Variants in RALYL observed in about 807,000 individuals in gnomAD.
RALYL encodes the protein RALY RNA binding protein like.
A neutral mutation model predicts 35.1 loss-of-function variants in RALYL; 29 were observed. The observed-to-expected ratio is 0.83, with a 90% CI of 0.61 to 1.13. The LOEUF is 1.13. Ranked by LOEUF, RALYL falls within the 50% of genes most tolerant of loss-of-function variation. The probability of loss-of-function intolerance (pLI) is 0.00; values close to 1 mark genes in which losing one functional copy is unlikely to be tolerated. For synonymous variants in RALYL, 120 were observed against 127.6 expected (o/e 0.94, Z 0.40); for missense variants, 359 against 360.4 (o/e 1.00, Z 0.03).
intron 1 of RALYL, among the ~76,000 whole-genome samples, chr8:84,461,834 C>G (rs1692594590): frequency 6.6e-6 from 1 of 151,580 alleles, no homozygotes; most frequent in Non-Finnish European, 1.5e-5. Flanking sequence ...CCTCATTTCT[C>G]CCCCTATCAT....
chr8:84,224,661 C>CTTT (rs11406770), intron 1 of RALYL, among the ~76,000 whole-genome samples: 2,650 of 147,236 alleles, frequency 0.018, 82 homozygotes, highest in African/African-American at 0.062. Context: ...TTCATTATTA[C>CTTT]TTTTTTTTTT....
At chr8:84,425,736 A>G (rs1192969258) in intron 1 of RALYL, among the ~76,000 whole-genome samples, 2 of 151,970 alleles carry the variant, frequency 1.3e-5, no homozygotes, top group East Asian at 1.9e-4. Context: ...TCAATCCAAC[A>G]ATAGCATGCA....
At chr8:84,284,588 G>T (rs1391607034) in intron 1 of RALYL, among the ~76,000 whole-genome samples, 1 of 152,108 alleles carries the variant, frequency 6.6e-6, no homozygotes, top group Non-Finnish European at 1.5e-5. Context: ...TCATAACAGG[G>T]TTGTTCAAGG....
intron 4 of RALYL, 90 bp from the exon 5 acceptor site, chr8:84,849,890 A>G (rs1835468608): frequency 1.5e-6 from 1 of 686,972 alleles, no homozygotes; most frequent in Non-Finnish European, 2.4e-6. Context: ...TTTTAAAAGT[A>G]ACAAATTTTA....
At chr8:84,308,920 G>T (rs1001108438) in intron 1 of RALYL, among the ~76,000 whole-genome samples, 3 of 151,748 alleles carry the variant, frequency 2.0e-5, no homozygotes, top group Admixed American at 2.0e-4. Flanking sequence ...AAAATAAAAT[G>T]CTAATAAACA....
Position 84,730,684 on chromosome 8 carries a change from A to C in RALYL, c.257-43895A>C, listed in dbSNP as rs573598450. ...TTCACTATATTTCATTCCACTTACC[A>C]TGAATGAGGATCTGTACAACGTTCT... is the stretch of plus-strand genomic sequence containing the variant. On this transcript the variant is annotated intron_variant, in intron 2 of 8. Transcript: ENST00000521268. Among the ~76,000 whole-genome samples the C allele has an allele frequency of 1.1e-4, 17 of 152,210 alleles. 1 individual carries two copies. The South Asian group carries it at 3.5e-3, about 32-fold the overall frequency.
intron 2 of RALYL, among the ~76,000 whole-genome samples, chr8:84,626,772 G>T (rs952483556): frequency 6.6e-6 from 1 of 152,268 alleles, no homozygotes; most frequent in East Asian, 1.9e-4. Context: ...CAAGTATATT[G>T]TCAAGCTGCA....
chr8:84,841,248 G>T (rs1226603502), intron 4 of RALYL, among the ~76,000 whole-genome samples: 5 of 152,100 alleles, frequency 3.3e-5, no homozygotes, highest in Admixed American at 2.6e-4. Flanking sequence ...GCACACATAG[G>T]CTCAAAATAA....
intron 1 of RALYL, among the ~76,000 whole-genome samples, chr8:84,440,705 T>C (rs2048237778): frequency 6.6e-6 from 1 of 152,094 alleles, no homozygotes; most frequent in Non-Finnish European, 1.5e-5. Flanking sequence ...TTCCTTTTTA[T>C]GCCAAGCAGT....
chr8:84,742,857 A>T (rs1020240157), intron 2 of RALYL, among the ~76,000 whole-genome samples: 4 of 152,128 alleles, frequency 2.6e-5, no homozygotes, highest in Admixed American at 2.6e-4. Context: ...TTAAATCAAG[A>T]AAGGATAGTT....
At chr8:84,723,883 C>T (rs1385832607) in intron 2 of RALYL, among the ~76,000 whole-genome samples, 1 of 151,644 alleles carries the variant, frequency 6.6e-6, no homozygotes, top group Non-Finnish European at 1.5e-5. Flanking sequence ...TATTAAAATG[C>T]TTATCATGCT....
intron 1 of RALYL, among the ~76,000 whole-genome samples, chr8:84,251,496 G>A (rs1285300427): frequency 6.6e-6 from 1 of 151,740 alleles, no homozygotes; most frequent in Non-Finnish European, 1.5e-5. Context: ...TTTGAAAGAA[G>A]CAAGTTCTAT....
chr8:84,892,627 A>C (rs1436792828), intron 8 of RALYL, among the ~76,000 whole-genome samples: 1 of 149,114 alleles, frequency 6.7e-6, no homozygotes, highest in Non-Finnish European at 1.5e-5. Flanking sequence ...AAAAAAAAAA[A>C]CCAACATGGC....
chr8:84,263,592 A>G (rs943039811), intron 1 of RALYL, among the ~76,000 whole-genome samples: 5 of 152,018 alleles, frequency 3.3e-5, no homozygotes, highest in African/African-American at 1.2e-4. Context: ...CGGATTTTTT[A>G]TTTTTTATTT....
chr8:84,303,199 C>T (rs151286552), intron 1 of RALYL, among the ~76,000 whole-genome samples: 1 of 152,090 alleles, frequency 6.6e-6, no homozygotes, highest in East Asian at 1.9e-4. Flanking sequence ...GCATCTGGAA[C>T]ATATTAGAAA....
At chr8:84,734,277 G>GA (rs35130423) in intron 2 of RALYL, among the ~76,000 whole-genome samples, 1 of 151,898 alleles carries the variant, frequency 6.6e-6, no homozygotes, top group African/African-American at 2.4e-5. Context: ...TTTTAGAGTG[G>GA]AAAAAATAAA....
At position 84,804,810 on chromosome 8, in the gene RALYL, T is replaced by C. The variant is rs574455229; in HGVS notation, c.365+8T>C. On this transcript the variant is annotated splice_region_variant and intron_variant, in intron 4 of 8. Coordinates refer to ENST00000521268, the MANE Select transcript of RALYL (RefSeq NM_173848.7). ...ACCTTTCCTGTCTGTTGGGTAAGTA[T>C]ATATTTAAATACTTTAAGTATTAAT... is the stretch of plus-strand genomic sequence containing the variant. The C allele has an allele frequency of 4.0e-5, 44 of 1,096,726 alleles. 1 individual carries two copies. In the South Asian group the frequency reaches 9.5e-4, roughly 24 times the overall value. 67.9% of individuals were successfully genotyped at this position (1,096,726 alleles called of 1,614,324 possible).
At chr8:84,199,267 G>A (rs961753076) in intron 1 of RALYL, among the ~76,000 whole-genome samples, 5 of 150,296 alleles carry the variant, frequency 3.3e-5, no homozygotes, top group Non-Finnish European at 7.4e-5. Flanking sequence ...GGTGATGATC[G>A]GTGACCTTTT....
intron 1 of RALYL, among the ~76,000 whole-genome samples, chr8:84,430,147 T>G (rs1587168770): frequency 6.6e-6 from 1 of 152,226 alleles, no homozygotes; most frequent in East Asian, 1.9e-4. Flanking sequence ...GCTAGTTATA[T>G]TAATCATATA....
Sources: allele counts gnomAD v4.1 joint callset (sites outside exome capture counted in the v4.1 genomes callset), GRCh38; gene constraint gnomAD v4.1.1; transcripts MANE v1.5; gene names NCBI Gene and HGNC (gene_info 2026-07-23, HGNC 2026-07-21).